The following PRKACB variants were observed in gnomAD, a reference collection of about 807,000 sequenced individuals.
The protein encoded by PRKACB is cAMP-dependent protein kinase catalytic subunit beta.
PRKACB carries 16 observed loss-of-function variants against 51.4 expected under a neutral mutation model. That is an observed-to-expected ratio of 0.31 (90% CI 0.21 to 0.47). The LOEUF is 0.47. Ranked by LOEUF, PRKACB falls within the 20% of genes least tolerant of loss-of-function variation. The probability of loss-of-function intolerance (pLI) is 1.00; values close to 1 mark genes in which losing one functional copy is unlikely to be tolerated. For missense variants in PRKACB, 309 were observed against 464.5 expected (o/e 0.67, Z 3.08); for synonymous variants, 147 against 154.4 (o/e 0.95, Z 0.35).
chr1:84,135,711 A>C (rs1652733184), intron 1 of PRKACB, among the ~76,000 whole-genome samples: 1 of 152,158 alleles, frequency 6.6e-6, no homozygotes, highest in Admixed American at 6.5e-5. Context: ...ATTTTAAGCT[A>C]AATGATAATC....
intron 1 of PRKACB, among the ~76,000 whole-genome samples, chr1:84,115,650 A>G (rs1650572603): frequency 6.6e-6 from 1 of 151,996 alleles, no homozygotes; most frequent in African/African-American, 2.4e-5. Flanking sequence ...TGGGAGGCCA[A>G]GGTGGGCAGA....
chr1:84,144,481 T>A lies in PRKACB; in HGVS notation c.120T>A (p.Asp40Glu). The A allele has an allele frequency of 2.5e-6, 4 of 1,612,076 alleles. No individual in the cohort carries two copies. The highest frequency in any genetic ancestry group is 2.5e-6 in the Non-Finnish European group (3 of 1,179,290). Residue 40 changes from aspartate to glutamate, a missense_variant, in exon 1 of 10, where the codon GAT becomes GAA. Asp to Glu is a conservative substitution (Grantham distance 45). Coordinates refer to ENST00000370685, the MANE Select transcript of PRKACB (RefSeq NM_182948.4). ...GACACTCTAAAGGTACTGCACATGATCAGAAAACAGCTCTGGAAAATGACA... is the reference window on the plus strand; with the variant it reads ...GACACTCTAAAGGTACTGCACATGAACAGAAAACAGCTCTGGAAAATGACA... Reference protein sequence around the residue: ...FHRHSKGTAHDQKTALENDSL... With the variant: ...FHRHSKGTAHEQKTALENDSL...
rs151170593 is a variant in PRKACB at position 84,148,265 on chromosome 1, T to C, written c.187+3717T>C. ...CATCTCTGTAACAAAACCACCAATG[T>C]ATCCTATTCATCTATCCTTCATCCT... On this transcript the variant is annotated intron_variant, in intron 1 of 9. Transcript: ENST00000370685. Among the ~76,000 whole-genome samples the C allele has an allele frequency of 2.8e-3, 424 of 152,274 alleles. 4 individuals are homozygous for C. Among genetic ancestry groups the C allele is most frequent in the South Asian group, 0.017 (83 of 4,816 alleles).
At chr1:84,157,516 A>G (rs532697799) in intron 1 of PRKACB, 32 of 152,282 alleles carry the variant, frequency 2.1e-4, no homozygotes, top group African/African-American at 7.5e-4. Flanking sequence ...TAGAACATTT[A>G]ATCACCCACA....
At chr1:84,222,366 A>G (rs1407668107) in intron 9 of PRKACB, among the ~76,000 whole-genome samples, 1 of 152,126 alleles carries the variant, frequency 6.6e-6, no homozygotes, top group African/African-American at 2.4e-5. Flanking sequence ...TGTTATGTTT[A>G]TATATTCAGA....
At chr1:84,202,946 A>G (rs1670552583) in intron 8 of PRKACB, 141 bp downstream of exon 8, 4 of 769,044 alleles carry the variant, frequency 5.2e-6, no homozygotes, top group East Asian at 3.1e-5. Context: ...TCTTACTATC[A>G]TAAGAATTGA....
At chr1:84,132,456 T>A (rs1286393902) in intron 1 of PRKACB, among the ~76,000 whole-genome samples, 1 of 152,112 alleles carries the variant, frequency 6.6e-6, no homozygotes, top group Non-Finnish European at 1.5e-5. Flanking sequence ...TATTACTCAA[T>A]GCAACATGGT....
chr1:84,091,425 T>C (rs920049889), intron 1 of PRKACB, among the ~76,000 whole-genome samples: 11 of 152,214 alleles, frequency 7.2e-5, no homozygotes, highest in African/African-American at 2.7e-4. Context: ...ACCTAATTTC[T>C]AAATACCTTT....
chr1:84,145,420 T>C (rs1408000557), intron 1 of PRKACB, among the ~76,000 whole-genome samples: 4 of 152,138 alleles, frequency 2.6e-5, no homozygotes, highest in Non-Finnish European at 1.5e-5. Flanking sequence ...AGCGTTTGAC[T>C]CTTTCTGTTT....
intron 1 of PRKACB, chr1:84,175,750 T>G: frequency 6.6e-7 from 1 of 1,519,218 alleles, no homozygotes; most frequent in Non-Finnish European, 8.8e-7. Context: ...TTTTCATCTC[T>G]TGAATGTGGG....
At chr1:84,086,942 C>T (rs558997619) in intron 1 of PRKACB, among the ~76,000 whole-genome samples, 88 of 152,318 alleles carry the variant, frequency 5.8e-4, no homozygotes, top group African/African-American at 2.1e-3. Context: ...GTGAACAAAT[C>T]AGACAATAAA....
intron 8 of PRKACB, among the ~76,000 whole-genome samples, chr1:84,209,189 A>G (rs888143995): frequency 2.6e-5 from 4 of 152,078 alleles, no homozygotes; most frequent in Non-Finnish European, 5.9e-5. Context: ...CACTTCCTCA[A>G]TGGGTGGTTT....
At chr1:84,205,338 T>C in intron 8 of PRKACB, 1 of 918,432 alleles carries the variant, frequency 1.1e-6, no homozygotes, top group Non-Finnish European at 1.3e-6. Context: ...GCAAAAATAT[T>C]ATTGTCTCTC....
At position 84,214,180 on chromosome 1, in the gene PRKACB, G is replaced by A; in HGVS notation, c.934G>A (p.Asp312Asn). Residue 312 changes from aspartate (D) to asparagine (N), a missense_variant, in exon 9 of 10, where the codon GAT becomes AAT. Physicochemically the swap from Asp to Asn is conservative, Grantham distance 23 (BLOSUM62 1). Transcript: ENST00000370685. ...CCGATTCCCATCCCACTTCAGTTCAGATCTCAAGGACCTTCTACGGAACCT... is the reference window on the plus strand; with the variant it reads ...CCGATTCCCATCCCACTTCAGTTCAAATCTCAAGGACCTTCTACGGAACCT... Reference protein sequence around the residue: ...KVRFPSHFSSDLKDLLRNLLQ... With the variant: ...KVRFPSHFSSNLKDLLRNLLQ... 1 of 1,612,002 alleles carries A rather than the reference G, an allele frequency of 6.2e-7. No homozygotes were observed. Among genetic ancestry groups the A allele is most frequent in the Admixed American group, 1.7e-5 (1 of 59,662 alleles).
chr1:84,203,666 C>T (rs1670773092), intron 8 of PRKACB, among the ~76,000 whole-genome samples: 1 of 151,916 alleles, frequency 6.6e-6, no homozygotes, highest in Non-Finnish European at 1.5e-5. Context: ...ATTTTCCCTT[C>T]TTTCTATTTC....
At chr1:84,084,037 A>G (rs1377492722) in intron 1 of PRKACB, among the ~76,000 whole-genome samples, 1 of 152,182 alleles carries the variant, frequency 6.6e-6, no homozygotes, top group Admixed American at 6.5e-5. Context: ...GAAACCTGCC[A>G]CAAATCCTTT....
At chr1:84,212,680 A>G (rs572395826) in intron 8 of PRKACB, among the ~76,000 whole-genome samples, 91 of 152,198 alleles carry the variant, frequency 6.0e-4, no homozygotes, top group Non-Finnish European at 9.7e-4. Flanking sequence ...AGTTAATACC[A>G]TATTCACTGA....
rs1228368518 is a variant in PRKACB, at chr1:84,144,532, C to A, written c.171C>A (p.Ala57=). ...NDSLHFSEHT[A]LWDRSMKEFL... is the part of the protein sequence containing the mutation. ...GCCTTCATTTCTCTGAACATACTGC[C>A]TTATGGGACAGATCAAGTAAGTTTT... Residue 57 remains alanine, a synonymous_variant, in exon 1 of 10, where the codon GCC becomes GCA. Transcript: ENST00000370685. The A allele has an allele frequency of 6.3e-7, 1 of 1,595,708 alleles. No individual in the cohort carries two copies.
chr1:84,200,357 A>C lies in PRKACB; in HGVS notation c.784-2326A>C, dbSNP rs577128571. On this transcript the variant is annotated intron_variant, in intron 7 of 9. Coordinates refer to ENST00000370685, the MANE Select transcript of PRKACB (RefSeq NM_182948.4). ...TTGTTTGTTTCTTGTAAATTTGTTT[A>C]AGTTCCTCATAGATGCTGGATATTA... is the stretch of plus-strand genomic sequence containing the variant. Among the ~76,000 whole-genome samples, 4 of 152,198 alleles carry C rather than the reference A, an allele frequency of 2.6e-5. No homozygotes were observed. In the South Asian group the frequency reaches 8.3e-4, roughly 32 times the overall value.
Sources: gnomAD v4.1 joint callset for allele counts (sites outside exome capture counted in the v4.1 genomes callset) on GRCh38, gnomAD v4.1.1 for gene constraint, MANE v1.5 for transcripts, NCBI Gene and HGNC (gene_info 2026-07-23, HGNC 2026-07-21) for gene names.